HNF4G: variants seen among roughly 807,000 people sequenced by gnomAD.
HNF4G encodes hepatocyte nuclear factor 4-gamma.
A neutral mutation model predicts 50.9 loss-of-function variants in HNF4G; 21 were observed. The ratio of observed to expected loss-of-function variants is 0.41; its 90% CI spans 0.29 to 0.59. HNF4G has a LOEUF of 0.59. HNF4G is among the 20% of genes least tolerant of loss of function. HNF4G has a pLI of 0.26. For missense variants in HNF4G, 527 were observed against 559.4 expected (o/e 0.94, Z 0.58); for synonymous variants, 198 against 185.6 (o/e 1.07, Z -0.54).
intron 1 of HNF4G, among the ~76,000 whole-genome samples, chr8:75,450,263 A>G (rs1379007151): frequency 2.0e-5 from 3 of 152,210 alleles, no homozygotes; most frequent in Non-Finnish European, 4.4e-5. Context: ...ATTGATGGAC[A>G]CTTAGGTTAA....
intron 1 of HNF4G, among the ~76,000 whole-genome samples, chr8:75,482,967 C>T (rs1812415265): frequency 6.6e-6 from 1 of 152,160 alleles, no homozygotes; most frequent in African/African-American, 2.4e-5. Context: ...TAATCTAATT[C>T]CGTGTTCTGT....
intron 1 of HNF4G, among the ~76,000 whole-genome samples, chr8:75,484,947 C>A (rs1047312627): frequency 6.6e-6 from 1 of 152,152 alleles, no homozygotes; most frequent in Non-Finnish European, 1.5e-5. Context: ...ATACAGTAGG[C>A]GGACAGCTCC....
intron 2 of HNF4G, among the ~76,000 whole-genome samples, chr8:75,520,376 A>G (rs954493117): frequency 1.3e-5 from 2 of 152,014 alleles, no homozygotes; most frequent in Non-Finnish European, 2.9e-5. Flanking sequence ...TGTCTATATT[A>G]CTTTGTAAAT....
intron 1 of HNF4G, among the ~76,000 whole-genome samples, chr8:75,444,633 T>A (rs961637681): frequency 4.7e-4 from 60 of 126,508 alleles, no homozygotes; most frequent in African/African-American, 1.8e-3. Flanking sequence ...GCAATCCTAG[T>A]CTCTGATAAA....
chr8:75,433,499 C>T (rs887564319), intron 1 of HNF4G, among the ~76,000 whole-genome samples: 2 of 151,262 alleles, frequency 1.3e-5, no homozygotes, highest in African/African-American at 4.8e-5. Flanking sequence ...CTCAACTCAA[C>T]AAGAAAATAT....
intron 2 of HNF4G, among the ~76,000 whole-genome samples, chr8:75,508,888 G>A (rs1348824860): frequency 6.6e-6 from 1 of 152,126 alleles, no homozygotes; most frequent in Non-Finnish European, 1.5e-5. Flanking sequence ...TAAGAGCAGT[G>A]GAATGCTATT....
chr8:75,426,841 C>T (rs753604691), intron 1 of HNF4G, among the ~76,000 whole-genome samples: 8 of 152,056 alleles, frequency 5.3e-5, no homozygotes, highest in Non-Finnish European at 7.4e-5. Context: ...ATGTTTAGTT[C>T]GTACTTGGGA....
intron 2 of HNF4G, among the ~76,000 whole-genome samples, chr8:75,508,043 A>G (rs1206394518): frequency 6.6e-6 from 1 of 152,152 alleles, no homozygotes; most frequent in Non-Finnish European, 1.5e-5. Flanking sequence ...AAAAGCGAGA[A>G]GAAAAGGGAG....
chr8:75,458,570 C>T (rs914498794), intron 1 of HNF4G, among the ~76,000 whole-genome samples: 7 of 151,890 alleles, frequency 4.6e-5, no homozygotes, highest in South Asian at 2.1e-4. Flanking sequence ...CATGAAAAAA[C>T]GTAAAAATGT....
At chr8:75,536,862 C>T (rs771042229), upstream of HNF4G, among the ~76,000 whole-genome samples, 2 of 151,796 alleles carry the variant, frequency 1.3e-5, no homozygotes, top group Non-Finnish European at 2.9e-5. Context: ...CTTCATTCTC[C>T]CTTCTCCTCT....
At chr8:75,510,929 T>C (rs1205947537) in intron 2 of HNF4G, among the ~76,000 whole-genome samples, 1 of 152,188 alleles carries the variant, frequency 6.6e-6, no homozygotes, top group East Asian at 1.9e-4. Context: ...TTTAAATTGC[T>C]GCCTAATGTT....
At chr8:75,494,130 A>G (rs1563528182) in intron 2 of HNF4G, among the ~76,000 whole-genome samples, 1 of 152,174 alleles carries the variant, frequency 6.6e-6, no homozygotes, top group Non-Finnish European at 1.5e-5. Flanking sequence ...AATTGTAGAG[A>G]AATCAAAGTT....
rs1464227698 is a variant in HNF4G, at chr8:75,472,649, T to G, written c.-143-17440T>G. On this transcript the variant is annotated intron_variant, in intron 1 of 10. Transcript: ENST00000354370. ...TCTATTTGTGTAGATGGAACTCACATTAAAAGATGAGGAAAGTAAAGTAGT... is the reference window on the plus strand; with the variant it reads ...TCTATTTGTGTAGATGGAACTCACAGTAAAAGATGAGGAAAGTAAAGTAGT... 2.0e-5 allele frequency among the ~76,000 whole-genome samples: 3 copies of G among 151,880 alleles called. No homozygotes were observed. In the East Asian group the frequency reaches 5.8e-4, roughly 29 times the overall value.
intron 2 of HNF4G, among the ~76,000 whole-genome samples, chr8:75,528,213 T>C (rs898858653): frequency 1.3e-5 from 2 of 152,192 alleles, no homozygotes; most frequent in African/African-American, 2.4e-5. Flanking sequence ...TTGGTACTAG[T>C]GGCATGCAAT....
intron 2 of HNF4G, among the ~76,000 whole-genome samples, chr8:75,496,418 C>G (rs1296243339): frequency 1.3e-5 from 2 of 151,556 alleles, no homozygotes; most frequent in Non-Finnish European, 2.9e-5. Context: ...CACTGGAGGT[C>G]TTTTTGTTTA....
intron 2 of HNF4G, chr8:75,495,294 T>C (rs917327003): frequency 6.6e-6 from 1 of 152,150 alleles, no homozygotes; most frequent in Non-Finnish European, 1.5e-5. Context: ...ATGTTTAATA[T>C]CCCCATGTGA....
intron 1 of HNF4G, among the ~76,000 whole-genome samples, chr8:75,414,008 C>G (rs1810568885): frequency 6.6e-6 from 1 of 151,996 alleles, no homozygotes; most frequent in African/African-American, 2.4e-5. Flanking sequence ...ATTTTTAAGT[C>G]AGGTTTATTG....
chr8:75,554,493 T>C (rs949015070), intron 5 of HNF4G, among the ~76,000 whole-genome samples: 2 of 152,188 alleles, frequency 1.3e-5, no homozygotes, highest in Admixed American at 6.5e-5. Context: ...TCAGTTGCAC[T>C]ATAAATTACA....
intron 1 of HNF4G, among the ~76,000 whole-genome samples, chr8:75,433,706 C>T (rs1339418588): frequency 1.3e-5 from 2 of 151,902 alleles, no homozygotes. Flanking sequence ...ACTGAAGATA[C>T]AATTTTAAAC....
Sources: gnomAD v4.1 joint callset for allele counts (sites outside exome capture counted in the v4.1 genomes callset) on GRCh38, gnomAD v4.1.1 for gene constraint, MANE v1.5 for transcripts, NCBI Gene and HGNC (gene_info 2026-07-23, HGNC 2026-07-21) for gene names.